Variants in PALS1 observed in about 807,000 individuals in gnomAD.
PALS1 encodes protein associated with LIN7 1, MAGUK p55 family member.
Under a neutral mutation model 78.9 loss-of-function variants are expected in PALS1, and 31 were observed. The ratio of observed to expected loss-of-function variants is 0.39; its 90% CI spans 0.30 to 0.53. The LOEUF is 0.53. Among genes scored for constraint, PALS1 ranks in the 20% least tolerant of loss-of-function variants. The pLI is 0.67. For synonymous variants in PALS1, 276 were observed against 270.9 expected (o/e 1.02, Z -0.18); for missense variants, 704 against 826.5 (o/e 0.85, Z 1.82).
rs2084789866 is a variant in PALS1 at position 67,292,614 on chromosome 14, G to A, written c.471G>A (p.Lys157=). ...TGCTTTTACAACTTGTTCAAAATAA[G>A]GATTTCCAGAATGCATTTAAGATAC... ...ISLLLQLVQN[K]DFQNAFKIHN... The change falls in exon 4 of 15, where the codon AAG becomes AAA. Residue 157 remains lysine, a synonymous_variant. Coordinates refer to ENST00000261681, the MANE Select transcript of PALS1 (RefSeq NM_022474.4). The A allele has an allele frequency of 6.2e-7, 1 of 1,613,642 alleles. No individual in the cohort carries two copies. The highest frequency in any genetic ancestry group is 1.3e-5 in the African/African-American group (1 of 75,014).
Position 67,333,413 on chromosome 14 carries a change from C to A in PALS1, c.*457C>A, listed in dbSNP as rs1050658652. On this transcript the variant is annotated 3_prime_UTR_variant, in exon 15 of 15. Transcript: ENST00000261681. ...AGGGACTGTGCTTCTATGCACTGGG[C>A]AAGGCAGTATTTGCTTAGGAAACTA... The A allele has an allele frequency of 6.5e-6, 1 of 152,714 alleles. No individual in the cohort carries two copies. The highest frequency in any genetic ancestry group is 2.4e-5 in the African/African-American group (1 of 41,384). 9.5% of individuals were successfully genotyped at this position (152,714 alleles called of 1,614,324 possible).
At chr14:67,275,755 C>G (rs527306954) in intron 2 of PALS1, among the ~76,000 whole-genome samples, 3 of 152,154 alleles carry the variant, frequency 2.0e-5, no homozygotes, top group South Asian at 4.1e-4. Context: ...TGGTCCTGGA[C>G]TTTTTTTGGT....
At chr14:67,316,491 A>C (rs58979599) in intron 9 of PALS1, among the ~76,000 whole-genome samples, 5,249 of 152,276 alleles carry the variant, frequency 0.034, 113 homozygotes, top group East Asian at 0.06. Flanking sequence ...ATTTGAGATA[A>C]TTCTAAAGGA....
Position 67,302,121 on chromosome 14 carries a change from A to G in PALS1, c.801+3A>G, listed in dbSNP as rs766078974. 7.5e-6 allele frequency: 12 copies of G among 1,599,924 alleles called. No homozygotes were observed. The Admixed American group carries it at 8.7e-5, about 12-fold the overall frequency. ...AAAAGGCTCGTGATATTCCGTTGGT[A>G]AGTGTCCCACATACTGTTTTTAAAC... On this transcript the variant is annotated splice_donor_region_variant and intron_variant, in intron 6 of 14. Coordinates refer to ENST00000261681, the MANE Select transcript of PALS1 (RefSeq NM_022474.4).
chr14:67,293,481 C>T (rs1407880425), intron 4 of PALS1, among the ~76,000 whole-genome samples: 1 of 152,094 alleles, frequency 6.6e-6, no homozygotes, highest in Non-Finnish European at 1.5e-5. Context: ...TCTAGAGCTA[C>T]AGAACCTATA....
In PALS1 at chr14:67,288,102, CAG is replaced by C. The variant is rs1310840891; in HGVS notation, c.368-4406_368-4405del. 5.9e-5 allele frequency among the ~76,000 whole-genome samples: 9 copies of C among 151,992 alleles called. No individual in the cohort carries two copies. The East Asian group carries it at 1.7e-3, about 29-fold the overall frequency. On this transcript the variant is annotated intron_variant, in intron 3 of 14. Transcript: ENST00000261681. ...GTCTCCCTTTTTTTTTCCTTCGAGA[CAG>C]AGTCTCACTCTGTCGCCCAGGCTGG...
chr14:67,266,150 A>G (rs890065917), intron 1 of PALS1, among the ~76,000 whole-genome samples: 3 of 152,022 alleles, frequency 2.0e-5, no homozygotes, highest in African/African-American at 4.8e-5. Context: ...AAACGAGTTC[A>G]GTTTACTTTG....
chr14:67,256,583 T>C (rs759183988), intron 1 of PALS1, among the ~76,000 whole-genome samples: 1 of 152,202 alleles, frequency 6.6e-6, no homozygotes, highest in Non-Finnish European at 1.5e-5. Flanking sequence ...AGTCTCGCTC[T>C]GTTGCCCAGG....
chr14:67,309,651 C>G (rs2085058485), intron 8 of PALS1, among the ~76,000 whole-genome samples: 1 of 152,132 alleles, frequency 6.6e-6, no homozygotes. Flanking sequence ...TGGCAATGGT[C>G]ATAAATGTAG....
chr14:67,256,670 C>T (rs1311087652), intron 1 of PALS1, among the ~76,000 whole-genome samples: 1 of 152,060 alleles, frequency 6.6e-6, no homozygotes, highest in Non-Finnish European at 1.5e-5. Flanking sequence ...GCCTCAGCCT[C>T]CCAAGTAGCT....
At chr14:67,243,141 GA>G (rs2083929081) in intron 1 of PALS1, among the ~76,000 whole-genome samples, 1 of 151,406 alleles carries the variant, frequency 6.6e-6, no homozygotes, top group Non-Finnish European at 1.5e-5. Context: ...AGAGTGTCTA[GA>G]AAAAAATAGT....
chr14:67,288,023 G>C (rs2140777621), intron 3 of PALS1, among the ~76,000 whole-genome samples: 1 of 152,288 alleles, frequency 6.6e-6, no homozygotes, highest in African/African-American at 2.4e-5. Context: ...ATTTCAGTCA[G>C]TGGTGAAATC....
chr14:67,256,950 G>C (rs1380438507), intron 1 of PALS1, among the ~76,000 whole-genome samples: 1 of 152,148 alleles, frequency 6.6e-6, no homozygotes, highest in East Asian at 1.9e-4. Flanking sequence ...CAAGGCTAAG[G>C]ACGCGGCTGT....
intron 1 of PALS1, chr14:67,254,165 AGATTTTAAGTGTCTTTCTTTT>A (rs1210258676): frequency 6.9e-6 from 1 of 145,124 alleles, no homozygotes; most frequent in Non-Finnish European, 1.5e-5. Context: ...TATCTATACT[AGATTTTAAGTGTCTTTCTTTT>A]TTTTTTTTTT....
intron 1 of PALS1, among the ~76,000 whole-genome samples, chr14:67,260,682 T>A (rs2084221142): frequency 1.3e-5 from 2 of 152,282 alleles, no homozygotes; most frequent in South Asian, 4.1e-4. Flanking sequence ...AAACAATATG[T>A]CAAAAGTTTA....
chr14:67,317,613 G>A, intron 11 of PALS1, 134 bp downstream of exon 11: 1 of 542,916 alleles, frequency 1.8e-6, no homozygotes, highest in Non-Finnish European at 3.2e-6. Context: ...GGAATCCTGT[G>A]AGTAAGGCAG....
At chr14:67,288,537 A>G (rs903122308) in intron 3 of PALS1, among the ~76,000 whole-genome samples, 2 of 152,198 alleles carry the variant, frequency 1.3e-5, no homozygotes, top group African/African-American at 4.8e-5. Context: ...ACAGTAATTT[A>G]ATTGTCTACT....
intron 4 of PALS1, among the ~76,000 whole-genome samples, chr14:67,293,404 C>A (rs896188915): frequency 7.9e-5 from 12 of 152,028 alleles, no homozygotes; most frequent in African/African-American, 2.9e-4. Context: ...TCTGGAATCC[C>A]ATCAAGTGAA....
rs759711943 is a variant in PALS1 at position 67,301,473 on chromosome 14, A to G, written c.654+7A>G. On this transcript the variant is annotated splice_region_variant and intron_variant, in intron 5 of 14. Transcript: ENST00000261681. ...GAATACTCCACATATTCAGGTAGAA[A>G]ATGGACAGAATACTATATATGTGGT... The G allele has an allele frequency of 1.9e-6, 3 of 1,595,752 alleles. No homozygotes were observed. The highest frequency in any genetic ancestry group is 1.3e-5 in the African/African-American group (1 of 74,660).
Sources: allele counts gnomAD v4.1 joint callset (sites outside exome capture counted in the v4.1 genomes callset), GRCh38; gene constraint gnomAD v4.1.1; transcripts MANE v1.5; gene names NCBI Gene and HGNC (gene_info 2026-07-23, HGNC 2026-07-21).